RYR3: variants seen among roughly 807,000 people sequenced by gnomAD.
RYR3 encodes the protein ryanodine receptor 3, also known as brain ryanodine receptor-calcium release channel.
In RYR3, 207 loss-of-function variants were observed where a neutral mutation model predicts 584.3. The observed-to-expected ratio is 0.35, with a 90% CI of 0.32 to 0.40. The LOEUF is 0.40. Ranked by LOEUF, RYR3 falls within the 10% of genes least tolerant of loss-of-function variation. The pLI is 1.00. For missense variants in RYR3, 5,616 were observed against 6,089.2 expected (o/e 0.92, Z 2.59); for synonymous variants, 2,416 against 2,248.5 (o/e 1.07, Z -2.11).
At chr15:33,721,118 C>T (rs1387582780) in intron 43 of RYR3, among the ~76,000 whole-genome samples, 2 of 152,174 alleles carry the variant, frequency 1.3e-5, no homozygotes, top group Admixed American at 6.5e-5. Flanking sequence ...GCTTGGCTTC[C>T]GCTTTACTGT....
At chr15:33,539,622 C>T (rs927674167) in intron 6 of RYR3, among the ~76,000 whole-genome samples, 160 bp downstream of exon 6, 2 of 151,974 alleles carry the variant, frequency 1.3e-5, no homozygotes, top group African/African-American at 4.8e-5. Flanking sequence ...GATGCTGACC[C>T]CCTGGCACAA....
At chr15:33,836,862 T>G in intron 87 of RYR3, 44 bp from the exon 88 acceptor site, 1 of 1,520,418 alleles carries the variant, frequency 6.6e-7, no homozygotes, top group Non-Finnish European at 9.1e-7. Flanking sequence ...TGTACTTTAC[T>G]GAGGGATCAG....
chr15:33,553,105 G>A (rs1189642423), intron 10 of RYR3, among the ~76,000 whole-genome samples: 1 of 152,140 alleles, frequency 6.6e-6, no homozygotes, highest in Non-Finnish European at 1.5e-5. Context: ...TGAGGGAGTG[G>A]TGGAGACAGT....
intron 65 of RYR3, 112 bp downstream of exon 65, chr15:33,780,453 G>A (rs937722909): frequency 7.7e-5 from 85 of 1,099,580 alleles, no homozygotes; most frequent in Non-Finnish European, 1.1e-4. Context: ...GGTCTGAGAG[G>A]AGCCAGGAGG....
chr15:33,354,521 A>C (rs1666859054), intron 1 of RYR3, among the ~76,000 whole-genome samples: 1 of 152,240 alleles, frequency 6.6e-6, no homozygotes, highest in South Asian at 2.1e-4. Flanking sequence ...AAAAACTGCT[A>C]AGTGTCAAGT....
At chr15:33,767,005 C>A (rs549433526) in intron 60 of RYR3, among the ~76,000 whole-genome samples, 1 of 152,236 alleles carries the variant, frequency 6.6e-6, no homozygotes, top group East Asian at 1.9e-4. Flanking sequence ...GCACTTCTGA[C>A]AATGAGATTA....
chr15:33,596,088 C>T (rs2059357820), intron 16 of RYR3, among the ~76,000 whole-genome samples: 1 of 150,970 alleles, frequency 6.6e-6, no homozygotes, highest in South Asian at 2.1e-4. Context: ...AAAAAAAAGC[C>T]TCTTTATTTT....
intron 27 of RYR3, among the ~76,000 whole-genome samples, chr15:33,637,263 G>A (rs1052420988): frequency 2.6e-5 from 4 of 152,198 alleles, no homozygotes; most frequent in African/African-American, 9.6e-5. Flanking sequence ...TGGCTCCCAA[G>A]GAGTATCTGT....
rs1291302593 is a variant in RYR3, at chr15:33,750,169, G to A, written c.8282G>A (p.Gly2761Asp). 6.2e-7 allele frequency: 1 copy of A among 1,609,484 alleles called. No individual in the cohort carries two copies. The highest frequency in any genetic ancestry group is 8.5e-7 in the Non-Finnish European group (1 of 1,177,994). Residue 2761 changes from glycine (G) to aspartate (D), a missense_variant, in exon 57 of 104, where the codon GGC (glycine) becomes GAC (aspartate). By Grantham distance (94) the Gly-to-Asp change is moderately conservative (BLOSUM62 -1). Coordinates refer to ENST00000634891, the MANE Select transcript of RYR3 (RefSeq NM_001036.6). ...KKLELESKGG[G>D]SHPLLVPYDT... Reference sequence around the variant, plus strand: ...CTCACCTTACTGACCCCAGGTGGTGGCAGCCACCCTCTTCTGGTACCATAT... The same window carrying A: ...CTCACCTTACTGACCCCAGGTGGTGACAGCCACCCTCTTCTGGTACCATAT...
At chr15:33,596,999 C>G (rs1410393554) in intron 16 of RYR3, among the ~76,000 whole-genome samples, 1 of 152,158 alleles carries the variant, frequency 6.6e-6, no homozygotes, top group Non-Finnish European at 1.5e-5. Flanking sequence ...CAAAACAAAC[C>G]TCCTTATTGC....
At chr15:33,811,483 C>G (rs914273124) in intron 72 of RYR3, among the ~76,000 whole-genome samples, 3 of 149,932 alleles carry the variant, frequency 2.0e-5, no homozygotes, top group Non-Finnish European at 4.4e-5. Flanking sequence ...TGCACTCCAG[C>G]CTGGGTAACA....
chr15:33,690,657 G>A (rs1489021934), intron 38 of RYR3, among the ~76,000 whole-genome samples: 1 of 152,174 alleles, frequency 6.6e-6, no homozygotes, highest in Non-Finnish European at 1.5e-5. Context: ...TGGAGGGAAA[G>A]CTTTGGTTTC....
chr15:33,703,740 A>G (rs1357268977), intron 42 of RYR3, among the ~76,000 whole-genome samples: 4 of 152,216 alleles, frequency 2.6e-5, no homozygotes, highest in Admixed American at 6.5e-5. Context: ...ATTTTGAAAT[A>G]TCAGACATTT....
chr15:33,649,152 C>T lies in RYR3; in HGVS notation c.4059C>T (p.His1353=). 1 of 1,613,822 alleles carries T rather than the reference C, an allele frequency of 6.2e-7. No homozygotes were observed. The highest frequency in any genetic ancestry group is 8.5e-7 in the Non-Finnish European group (1 of 1,179,848). ...TCGGATGGGTGACTCCAGACTATCA[C>T]TTGTACAGTGAAAAGTTTGACCTGA... ...VWVGWVTPDY[H]LYSEKFDLNK... is the part of the protein sequence containing the mutation. The change falls in exon 31 of 104, where the codon CAC becomes CAT. Residue 1353 remains histidine (H), a synonymous_variant. Transcript: ENST00000634891.
intron 102 of RYR3, among the ~76,000 whole-genome samples, chr15:33,861,483 T>G (rs1359471007): frequency 1.3e-5 from 2 of 151,622 alleles, no homozygotes; most frequent in East Asian, 3.9e-4. Flanking sequence ...AAATATGCTT[T>G]TTTTTTTTTA....
At chr15:33,672,492 G>A (rs528503846) in intron 38 of RYR3, among the ~76,000 whole-genome samples, 2 of 152,278 alleles carry the variant, frequency 1.3e-5, no homozygotes, top group East Asian at 3.9e-4. Flanking sequence ...AGACGAAATG[G>A]TTGAGGTGAT....
chr15:33,755,079 T>C lies in RYR3; in HGVS notation c.8414T>C (p.Met2805Thr), dbSNP rs2071681464. 1 of 1,610,090 alleles carries C rather than the reference T, an allele frequency of 6.2e-7. No individual in the cohort carries two copies. Among genetic ancestry groups the C allele is most frequent in the African/African-American group, 1.3e-5 (1 of 74,976 alleles). The change falls in exon 58 of 104, where the codon ATG (methionine) becomes ACG (threonine). Residue 2805 changes from methionine (M) to threonine (T), a missense_variant. This residue lies in a region of RYR3 where 1,280 missense variants were observed against 1,426.2 expected (regional missense o/e 0.90). Transcript: ENST00000634891. The part of the protein sequence containing the change: ...GIIVSRGMKD[M>T]ELDASSMEKR... ...GTCCAACGTAGGGGTATGAAGGATA[T>C]GGAGCTGGATGCCTCCTCCATGGAG...
chr15:33,464,571 TTAATA>T (rs1337919824), intron 1 of RYR3, among the ~76,000 whole-genome samples: 5 of 147,844 alleles, frequency 3.4e-5, no homozygotes, highest in Admixed American at 2.0e-4. Context: ...TAATATGTAT[TTAATA>T]TATAATGTAT....
At chr15:33,801,256 C>T (rs932151110) in intron 68 of RYR3, among the ~76,000 whole-genome samples, 4 of 152,284 alleles carry the variant, frequency 2.6e-5, no homozygotes, top group South Asian at 2.1e-4. Flanking sequence ...TCAATAGAAA[C>T]GGTGTCTGAG....
Sources: gnomAD v4.1 joint callset for allele counts (sites outside exome capture counted in the v4.1 genomes callset) on GRCh38, gnomAD v4.1.1 for gene constraint, gnomAD v4.1.1 regional missense constraint, MANE v1.5 for transcripts, NCBI Gene and HGNC (gene_info 2026-07-23, HGNC 2026-07-21) for gene names.